The following ADGRB3 variants were observed in gnomAD, a reference collection of about 807,000 sequenced individuals.
The protein encoded by ADGRB3 is brain-specific angiogenesis inhibitor 3.
Under a neutral mutation model 193.4 loss-of-function variants are expected in ADGRB3, and 37 were observed. That is an observed-to-expected ratio of 0.19 (90% CI 0.15 to 0.25). The LOEUF is 0.25. ADGRB3 is among the 10% of genes least tolerant of loss of function. The pLI, the probability that ADGRB3 is intolerant of heterozygous loss-of-function variation, is 1.00. For missense variants in ADGRB3, 1,637 were observed against 1,852.9 expected, an observed-to-expected ratio of 0.88 and a Z score of 2.14; for synonymous variants, 690 against 644.2, an observed-to-expected ratio of 1.07 and a Z score of -1.08.
At chr6:68,767,814 C>G (rs9342732) in intron 3 of ADGRB3, among the ~76,000 whole-genome samples, 1 of 152,150 alleles carries the variant, frequency 6.6e-6, no homozygotes, top group Non-Finnish European at 1.5e-5. Flanking sequence ...CCCAAGTCTC[C>G]TTAAGCTGAT....
At chr6:68,825,149 G>GC (rs1386329092) in intron 3 of ADGRB3, among the ~76,000 whole-genome samples, 3 of 152,004 alleles carry the variant, frequency 2.0e-5, no homozygotes, top group Non-Finnish European at 1.5e-5. Context: ...GAGCCACTGT[G>GC]CCCCGCCAAT....
At chr6:69,183,622 A>AT (rs900909233) in intron 17 of ADGRB3, among the ~76,000 whole-genome samples, 3 of 151,826 alleles carry the variant, frequency 2.0e-5, no homozygotes, top group African/African-American at 4.8e-5. Flanking sequence ...TATTGATTTC[A>AT]TTTTTTTTGA....
At chr6:69,248,947 A>T (rs2127265748) in intron 20 of ADGRB3, among the ~76,000 whole-genome samples, 1 of 152,296 alleles carries the variant, frequency 6.6e-6, no homozygotes, top group Non-Finnish European at 1.5e-5. Context: ...CCAAGATGAA[A>T]AGGAGTGCAA....
intron 17 of ADGRB3, among the ~76,000 whole-genome samples, chr6:69,170,624 A>T (rs566132397): frequency 2.8e-4 from 42 of 152,230 alleles, no homozygotes; most frequent in Non-Finnish European, 5.9e-4. Context: ...GTGTTAAAAC[A>T]TGTAAACAAT....
intron 3 of ADGRB3, among the ~76,000 whole-genome samples, chr6:68,734,472 G>T (rs571310075): frequency 6.6e-6 from 1 of 152,114 alleles, no homozygotes; most frequent in Admixed American, 6.6e-5. Flanking sequence ...TCTTGGGCAT[G>T]CATATAATGG....
At chr6:69,040,148 C>T (rs1582414059) in intron 13 of ADGRB3, among the ~76,000 whole-genome samples, 1 of 151,948 alleles carries the variant, frequency 6.6e-6, no homozygotes. Flanking sequence ...GTTGCAGCAG[C>T]ATATTTTTGT....
chr6:69,277,956 G>A (rs1767337899), intron 20 of ADGRB3, among the ~76,000 whole-genome samples: 1 of 152,142 alleles, frequency 6.6e-6, no homozygotes, highest in East Asian at 1.9e-4. Flanking sequence ...TATTATTATT[G>A]TTACTGCTAT....
At chr6:69,281,199 G>T (rs1366484616) in intron 20 of ADGRB3, among the ~76,000 whole-genome samples, 1 of 152,124 alleles carries the variant, frequency 6.6e-6, no homozygotes, top group Non-Finnish European at 1.5e-5. Context: ...TTTTCTGCTG[G>T]TCAAATGTGT....
chr6:68,919,187 C>T (rs1416411538), intron 3 of ADGRB3, among the ~76,000 whole-genome samples: 1 of 152,124 alleles, frequency 6.6e-6, no homozygotes, highest in Non-Finnish European at 1.5e-5. Flanking sequence ...AGCCGGCGTC[C>T]TATCTTTATA....
At chr6:68,730,045 T>A (rs1023755266) in intron 3 of ADGRB3, among the ~76,000 whole-genome samples, 8 of 151,598 alleles carry the variant, frequency 5.3e-5, no homozygotes, top group African/African-American at 1.9e-4. Context: ...CTTGCTGGTC[T>A]CCATAATTAA....
chr6:68,920,196 A>C (rs1766996079), intron 3 of ADGRB3, among the ~76,000 whole-genome samples: 1 of 152,152 alleles, frequency 6.6e-6, no homozygotes, highest in South Asian at 2.1e-4. Context: ...ACACTGATAA[A>C]ATTTCAAAGC....
At chr6:69,177,502 G>T (rs576059036) in intron 17 of ADGRB3, among the ~76,000 whole-genome samples, 1 of 152,110 alleles carries the variant, frequency 6.6e-6, no homozygotes, top group Admixed American at 6.5e-5. Flanking sequence ...GACTACAGGT[G>T]CCTGCCACCA....
intron 26 of ADGRB3, among the ~76,000 whole-genome samples, chr6:69,353,501 CA>C (rs772920204): frequency 6.6e-6 from 1 of 152,138 alleles, no homozygotes; most frequent in Non-Finnish European, 1.5e-5. Context: ...CAATTTCAGT[CA>C]AAAGATCATT....
chr6:68,723,879 G>A (rs1169479297), intron 3 of ADGRB3, among the ~76,000 whole-genome samples: 1 of 151,524 alleles, frequency 6.6e-6, no homozygotes, highest in Non-Finnish European at 1.5e-5. Context: ...ACATATTTGA[G>A]TGTCAGTATC....
intron 3 of ADGRB3, among the ~76,000 whole-genome samples, chr6:68,828,848 A>G (rs1252536946): frequency 6.6e-6 from 1 of 152,174 alleles, no homozygotes; most frequent in Non-Finnish European, 1.5e-5. Context: ...ACCACGGGAT[A>G]GAGTCTGTAG....
chr6:69,377,315 G>T (rs1320837727), intron 30 of ADGRB3, among the ~76,000 whole-genome samples: 2 of 151,964 alleles, frequency 1.3e-5, no homozygotes, highest in Admixed American at 6.6e-5. Context: ...GGATCTCTCT[G>T]ATCTTCTCTT....
At chr6:69,342,509 G>A (rs1768998481) in intron 26 of ADGRB3, among the ~76,000 whole-genome samples, 2 of 152,054 alleles carry the variant, frequency 1.3e-5, no homozygotes, top group African/African-American at 2.4e-5. Flanking sequence ...GATATCATAG[G>A]AGGCCTCATT....
intron 3 of ADGRB3, among the ~76,000 whole-genome samples, chr6:68,772,890 AAAAAAT>A (rs1310991281): frequency 1.9e-3 from 88 of 46,070 alleles, no homozygotes; most frequent in Non-Finnish European, 2.3e-3. Flanking sequence ...AACAAAAAAA[AAAAAAT>A]ATATATATAT....
At chr6:69,255,365 A>T (rs1326118588) in intron 20 of ADGRB3, among the ~76,000 whole-genome samples, 2 of 152,070 alleles carry the variant, frequency 1.3e-5, no homozygotes, top group East Asian at 3.9e-4. Context: ...CCTCTCCAGC[A>T]CCTGTTGTTT....
Sources: gnomAD v4.1 joint callset for allele counts (sites outside exome capture counted in the v4.1 genomes callset) on GRCh38, gnomAD v4.1.1 for gene constraint, MANE v1.5 for transcripts, NCBI Gene and HGNC (gene_info 2026-07-23, HGNC 2026-07-21) for gene names.